DGKK: variants seen among roughly 807,000 people sequenced by gnomAD.
The protein encoded by DGKK is 142 kDa diacylglycerol kinase.
DGKK carries 35 observed loss-of-function variants against 92.2 expected under a neutral mutation model. The observed-to-expected ratio is 0.38, with a 90% confidence interval of 0.29 to 0.50. The LOEUF is 0.50. DGKK is among the 20% of genes least tolerant of loss of function. DGKK has a pLI of 0.92. For synonymous variants in DGKK, 368 were observed against 360.6 expected (o/e 1.02, Z -0.23); for missense variants, 910 against 992.2 (o/e 0.92, Z 1.11).
At chrX:50,383,133 A>G (rs1924452008) in intron 17 of DGKK, among the ~76,000 whole-genome samples, 1 of 112,109 alleles carries the variant, frequency 8.9e-6, no homozygotes, top group Non-Finnish European at 1.9e-5. Flanking sequence ...TCCTGTGTCC[A>G]TCTAGGGTGT....
rs1557225528 is a variant in DGKK at position 50,391,447 on chromosome X, T to A, written c.1834A>T (p.Ile612Phe). The part of the protein sequence containing the change: ...LNRVEQASVR[I>F]LDRWSVMIRE... ...CTTTCAGCCACTTACCTGTCTAGGA[T>A]CCTCACACTAGCCTGCTCCACTCTG... The change falls in exon 11 of 28, where the codon ATC becomes TTC. Residue 612 changes from isoleucine (I) to phenylalanine (F), a missense_variant. Coordinates refer to ENST00000611977, the MANE Select transcript of DGKK (RefSeq NM_001013742.4). 3 of 1,211,145 alleles carry A rather than the reference T, an allele frequency of 2.5e-6. No homozygotes were observed. The South Asian group carries it at 5.3e-5, about 21-fold the overall frequency.
chrX:50,390,105 A>G, intron 12 of DGKK, among the ~76,000 whole-genome samples: 1 of 112,486 alleles, frequency 8.9e-6, no homozygotes, highest in African/African-American at 3.2e-5. Context: ...CACATAAAGT[A>G]GTTACTCCAT....
intron 1 of DGKK, among the ~76,000 whole-genome samples, chrX:50,458,587 A>C (rs1926668882): frequency 9.1e-6 from 1 of 109,689 alleles, no homozygotes; most frequent in Admixed American, 9.9e-5. Flanking sequence ...CATACAAATA[A>C]ATTGAAAGCT....
chrX:50,398,985 A>G (rs782555396), intron 8 of DGKK, among the ~76,000 whole-genome samples: 23 of 112,644 alleles, frequency 2.0e-4, no homozygotes, highest in Non-Finnish European at 4.1e-4. Context: ...TTATTTACTA[A>G]GTCATCAATT....
Position 50,382,588 on chromosome X carries a change from T to C in DGKK, c.2565A>G (p.Lys855=). 8.3e-7 allele frequency: 1 copy of C among 1,204,281 alleles called. No homozygotes were observed. Among genetic ancestry groups the C allele is most frequent in the Non-Finnish European group, 1.1e-6 (1 of 890,760 alleles). Residue 855 remains lysine (K), a synonymous_variant, in exon 18 of 28, where the codon AAA becomes AAG. Transcript: ENST00000611977. ...TTCCGAAGTAGTTGTTCATGACACATTTTTCTTTGAAGCGTCTGAAATTAT... is the reference window on the plus strand; with the variant it reads ...TTCCGAAGTAGTTGTTCATGACACACTTTTCTTTGAAGCGTCTGAAATTAT... The part of the protein sequence containing the change: ...FTPESIRFKE[K]CVMNNYFGIG...
intron 1 of DGKK, among the ~76,000 whole-genome samples, chrX:50,453,268 T>G (rs1557232597): frequency 9.0e-6 from 1 of 111,520 alleles, no homozygotes; most frequent in Non-Finnish European, 1.9e-5. Context: ...TGGGCCTCAG[T>G]CTTGACTCTG....
rs781988427 is a variant in DGKK at position 50,404,031 on chromosome X, A to G, written c.1078+18T>C. 1 of 1,206,725 alleles carries G rather than the reference A, an allele frequency of 8.3e-7. No individual in the cohort carries two copies. The highest frequency in any genetic ancestry group is 3.0e-5 in the East Asian group (1 of 33,720). On this transcript the variant is annotated intron_variant, in intron 5 of 27. Coordinates refer to ENST00000611977, the MANE Select transcript of DGKK (RefSeq NM_001013742.4). ...TCTACCCACTGAGCTTCACTTCCTA[A>G]AGGAATCAGAAAGGTACCTTCACAG...
intron 8 of DGKK, among the ~76,000 whole-genome samples, chrX:50,399,824 A>C (rs782298334): frequency 8.9e-6 from 1 of 112,056 alleles, no homozygotes; most frequent in South Asian, 3.8e-4. Flanking sequence ...TAATGGGAGA[A>C]GTAAATGAAC....
At chrX:50,455,786 C>T (rs1344164802) in intron 1 of DGKK, among the ~76,000 whole-genome samples, 1 of 112,101 alleles carries the variant, frequency 8.9e-6, no homozygotes, top group East Asian at 2.8e-4. Flanking sequence ...CATTCTTTCT[C>T]TCCTGGTTTG....
At chrX:50,445,730 G>C (rs868912167) in intron 1 of DGKK, among the ~76,000 whole-genome samples, 1 of 111,246 alleles carries the variant, frequency 9.0e-6, no homozygotes, top group African/African-American at 3.3e-5. Context: ...CTCCAGCTTT[G>C]TTCTTTTTAC....
At chrX:50,383,013 C>G (rs1924449901) in intron 17 of DGKK, among the ~76,000 whole-genome samples, 1 of 111,883 alleles carries the variant, frequency 8.9e-6, no homozygotes, top group Non-Finnish European at 1.9e-5. Context: ...CACAACTGCT[C>G]TCAGTGATGT....
chrX:50,376,252 G>C (rs1172888834), intron 23 of DGKK, 87 bp from the exon 24 acceptor site: 1 of 1,000,390 alleles, frequency 1.0e-6, no homozygotes, highest in African/African-American at 1.9e-5. Context: ...GGTAAGGGTA[G>C]AAGTGAAAGC....
chrX:50,382,243 G>A (rs782750435), intron 18 of DGKK, among the ~76,000 whole-genome samples: 1 of 112,476 alleles, frequency 8.9e-6, no homozygotes, highest in Non-Finnish European at 1.9e-5. Flanking sequence ...GTCAGTAACA[G>A]TAACACAGGT....
At chrX:50,420,305 T>C in intron 4 of DGKK, 98 bp downstream of exon 4, 1 of 768,439 alleles carries the variant, frequency 1.3e-6, no homozygotes, top group Non-Finnish European at 1.9e-6. Context: ...TGGTCTCTGC[T>C]TCCATCTTAT....
At position 50,387,439 on chromosome X, in the gene DGKK, C is replaced by T. The variant is rs916168212; in HGVS notation, c.2118+115G>A. ...CTTCCTCATCAGGGAGGCTTAACAG[C>T]TGCCCCTCCTTTCCTTTCTTTTACC... On this transcript the variant is annotated intron_variant, in intron 14 of 27. Coordinates refer to ENST00000611977, the MANE Select transcript of DGKK (RefSeq NM_001013742.4). The T allele has an allele frequency of 1.1e-4, 62 of 565,316 alleles. No individual in the cohort carries two copies. In the African/African-American group the frequency reaches 1.4e-3, roughly 12 times the overall value. The allele number at this position is 565,316 out of a possible 1,213,427, so 46.6% of individuals were successfully genotyped here. A position where few individuals can be genotyped will look rare whatever the true frequency, so the allele number is the denominator to read the frequency against.
intron 1 of DGKK, among the ~76,000 whole-genome samples, chrX:50,448,734 C>T (rs1377855600): frequency 9.0e-6 from 1 of 111,089 alleles, no homozygotes; most frequent in Non-Finnish European, 1.9e-5. Flanking sequence ...GATCAGATGC[C>T]TACTATGAGT....
chrX:50,379,576 C>T, intron 20 of DGKK, 51 bp downstream of exon 20: 1 of 1,023,624 alleles, frequency 9.8e-7, no homozygotes, highest in East Asian at 3.0e-5. Flanking sequence ...TTCAGAGAGA[C>T]CTTAGTGGGA....
intron 18 of DGKK, 69 bp from the exon 19 acceptor site, chrX:50,380,146 G>C (rs1195627858): frequency 9.8e-6 from 9 of 917,038 alleles, no homozygotes; most frequent in Non-Finnish European, 1.3e-5. Flanking sequence ...AAAAAGACAG[G>C]AAGGAAAACC....
At chrX:50,405,527 G>GGAGAGA (rs781903574) in intron 4 of DGKK, among the ~76,000 whole-genome samples, 40 of 100,981 alleles carry the variant, frequency 4.0e-4, no homozygotes, top group East Asian at 2.8e-3. Flanking sequence ...GACAGTGGGG[G>GGAGAGA]GAGAGAGAGA....
Sources: allele counts gnomAD v4.1 joint callset (sites outside exome capture counted in the v4.1 genomes callset), GRCh38; gene constraint gnomAD v4.1.1; transcripts MANE v1.5; gene names NCBI Gene and HGNC (gene_info 2026-07-23, HGNC 2026-07-21).